Variants in NPL observed in about 807,000 individuals in gnomAD.
NPL encodes the protein N-acetylneuraminate pyruvate lyase, also known as N-acetylneuraminate lyase.
In NPL, 32 loss-of-function variants were observed where a neutral mutation model predicts 41.1. The observed-to-expected ratio is 0.78, with a 90% CI of 0.59 to 1.05. NPL has a LOEUF of 1.05. Ranked by LOEUF, NPL falls within the 50% of genes least tolerant of loss-of-function variation. The pLI is 0.00. For synonymous variants in NPL, 128 were observed against 134.9 expected (o/e 0.95, Z 0.35); for missense variants, 321 against 378.4 (o/e 0.85, Z 1.26).
intron 4 of NPL, 46 bp from the exon 5 acceptor site, chr1:182,806,099 G>T: frequency 6.2e-7 from 1 of 1,612,788 alleles, no homozygotes; most frequent in South Asian, 1.1e-5. Flanking sequence ...GGTTGGAGAA[G>T]CAGAGGTGCT....
intron 12 of NPL, among the ~76,000 whole-genome samples, chr1:182,827,458 A>G (rs956222544): frequency 1.8e-4 from 27 of 152,176 alleles, no homozygotes; most frequent in African/African-American, 5.8e-4. Context: ...CTGAAAGTCT[A>G]TTAGTTGTAT....
intron 3 of NPL, among the ~76,000 whole-genome samples, chr1:182,800,403 T>C (rs1184971972): frequency 1.5e-5 from 2 of 132,294 alleles, no homozygotes; most frequent in Non-Finnish European, 3.1e-5. Context: ...GCCACTGTAT[T>C]CCAGCCTGGG....
intron 3 of NPL, among the ~76,000 whole-genome samples, chr1:182,801,794 A>ACCACTG (rs1182610566): frequency 3.9e-5 from 6 of 152,078 alleles, no homozygotes; most frequent in Non-Finnish European, 1.5e-5. Flanking sequence ...CCACGATTAC[A>ACCACTG]CCACTGCACT....
intron 3 of NPL, among the ~76,000 whole-genome samples, chr1:182,797,733 T>C (rs1557940506): frequency 6.6e-6 from 1 of 152,226 alleles, no homozygotes; most frequent in Non-Finnish European, 1.5e-5. Flanking sequence ...TGTGATCCCA[T>C]AGCACCCTTT....
In NPL at chr1:182,793,750, A is replaced by G. The variant is rs372263849; in HGVS notation, c.-16-606A>G. Among the ~76,000 whole-genome samples the G allele has an allele frequency of 2.5e-4, 38 of 152,358 alleles. No individual in the cohort carries two copies. In the South Asian group the frequency reaches 7.0e-3, roughly 28 times the overall value. The stretch of plus-strand genomic sequence containing the variant: ...TAGGTGAGATTCTAAGAATGAAGAC[A>G]ATGGAAAGAGAAAATGTCCCCTTTT... On this transcript the variant is annotated intron_variant, in intron 2 of 12. Coordinates refer to ENST00000367553, the MANE Select transcript of NPL (RefSeq NM_030769.3).
chr1:182,793,540 G>A (rs1666574412), intron 2 of NPL, among the ~76,000 whole-genome samples: 1 of 152,206 alleles, frequency 6.6e-6, no homozygotes, highest in Non-Finnish European at 1.5e-5. Flanking sequence ...GAGAGCAAAG[G>A]CAAATGAAAC....
rs181206438 is a variant in NPL, at chr1:182,796,416, G to A, written c.68+1977G>A. Among the ~76,000 whole-genome samples, 1,253 of 152,188 alleles carry A rather than the reference G, an allele frequency of 8.2e-3. 7 individuals carry two copies. Among genetic ancestry groups the A allele is most frequent in the Admixed American group, 0.011 (173 of 15,284 alleles). On this transcript the variant is annotated intron_variant, in intron 3 of 12. Transcript: ENST00000367553. ...CATGTTTCTAAGACATGAGATGGAA[G>A]GAAGGGGCACATGGAATCTAATACC...
At chr1:182,816,634 A>G in intron 7 of NPL, 80 bp from the exon 8 acceptor site, 2 of 977,624 alleles carry the variant, frequency 2.0e-6, no homozygotes, top group East Asian at 2.4e-5. Flanking sequence ...GTTGTGTTTC[A>G]TCAGATGATT....
Position 182,828,644 on chromosome 1 carries a change from C to T in NPL, c.779-80C>T. ...ACCCTGTTGTAGTAGTTGCTGTTAG[C>T]ATATGATCTCCTTCTTTGGGATTTT... On this transcript the variant is annotated intron_variant, in intron 12 of 12. Coordinates refer to ENST00000367553, the MANE Select transcript of NPL (RefSeq NM_030769.3). This position sits in a 1 kb window ranked among gnomAD's most constrained non-coding sequence, Gnocchi z 4.0. 1 of 1,579,418 alleles carries T rather than the reference C, an allele frequency of 6.3e-7. No individual in the cohort carries two copies. The highest frequency in any genetic ancestry group is 8.7e-7 in the Non-Finnish European group (1 of 1,153,218).
Position 182,828,618 on chromosome 1 carries a change from T to C in NPL, c.779-106T>C. 7.1e-7 allele frequency: 1 copy of C among 1,409,822 alleles called. No individual in the cohort carries two copies. Among genetic ancestry groups the C allele is most frequent in the Non-Finnish European group, 9.9e-7 (1 of 1,010,762 alleles). The allele number at this position is 1,409,822 out of a possible 1,614,324, so 87.3% of individuals were successfully genotyped here. A position where few individuals can be genotyped will look rare whatever the true frequency, so the allele number is the denominator to read the frequency against. ...ATGTTCCCATCTTTTGTTTTAATCT[T>C]ACCCTGTTGTAGTAGTTGCTGTTAG... On this transcript the variant is annotated intron_variant, in intron 12 of 12. Transcript: ENST00000367553. This position sits in a 1 kb window ranked among gnomAD's most constrained non-coding sequence, Gnocchi z 4.0.
Position 182,794,699 on chromosome 1 carries a change from A to G in NPL, c.68+260A>G, listed in dbSNP as rs569931046. ...AGAAATGGCAGCTTGCCTTTCTCCCAGTGTCTGTAGCACCACAGAGCAAAT... is the reference window on the plus strand; with the variant it reads ...AGAAATGGCAGCTTGCCTTTCTCCCGGTGTCTGTAGCACCACAGAGCAAAT... On this transcript the variant is annotated intron_variant, in intron 3 of 12. Coordinates refer to ENST00000367553, the MANE Select transcript of NPL (RefSeq NM_030769.3). Among the ~76,000 whole-genome samples the G allele has an allele frequency of 1.1e-3, 168 of 152,352 alleles. No homozygotes were observed. Among genetic ancestry groups the G allele is most frequent in the Non-Finnish European group, 2.0e-3 (138 of 68,030 alleles).
rs979962871 is a variant in NPL, at chr1:182,794,457, C to A, written c.68+18C>A. On this transcript the variant is annotated intron_variant, in intron 3 of 12. Coordinates refer to ENST00000367553, the MANE Select transcript of NPL (RefSeq NM_030769.3). ...GAGAATGGGTAACTATCATTTGGGGCCTTGAGGGGATCAGTTCTCATTCAA... is the reference window on the plus strand; with the variant it reads ...GAGAATGGGTAACTATCATTTGGGGACTTGAGGGGATCAGTTCTCATTCAA... 6.2e-7 allele frequency: 1 copy of A among 1,612,002 alleles called. No individual in the cohort carries two copies. Among genetic ancestry groups the A allele is most frequent in the Non-Finnish European group, 8.5e-7 (1 of 1,178,096 alleles).
intron 6 of NPL, 130 bp from the exon 7 acceptor site, chr1:182,814,651 GTT>G (rs753043526): frequency 3.3e-4 from 256 of 770,480 alleles, no homozygotes; most frequent in Non-Finnish European, 5.2e-4. Context: ...ATTAAATTTG[GTT>G]AATTTTCCCA....
chr1:182,821,166 C>T (rs1667476514), intron 10 of NPL, among the ~76,000 whole-genome samples: 1 of 152,122 alleles, frequency 6.6e-6, no homozygotes, highest in Non-Finnish European at 1.5e-5. Flanking sequence ...GCTGTTGACC[C>T]CAGTTCTATA....
At position 182,830,330 on chromosome 1, in the gene NPL, T is replaced by G. The variant is rs1667733337; in HGVS notation, c.*1422T>G. ...CGTACTTACTGATACTAAAGCCAAATTTAAATTCTAAAATTAATTCTTGGG... is the reference window on the plus strand; with the variant it reads ...CGTACTTACTGATACTAAAGCCAAAGTTAAATTCTAAAATTAATTCTTGGG... On this transcript the variant is annotated 3_prime_UTR_variant, in exon 13 of 13. Transcript: ENST00000367553. 1 of 152,242 alleles carries G rather than the reference T, an allele frequency of 6.6e-6. No homozygotes were observed. The highest frequency in any genetic ancestry group is 2.4e-5 in the African/African-American group (1 of 41,464). 9.4% of individuals were successfully genotyped at this position (152,242 alleles called of 1,614,324 possible).
intron 5 of NPL, among the ~76,000 whole-genome samples, chr1:182,811,800 C>G (rs573672287): frequency 6.6e-6 from 1 of 152,108 alleles, no homozygotes; most frequent in East Asian, 1.9e-4. Flanking sequence ...TAAATGAAGT[C>G]ATTGCAGAAA....
In NPL at chr1:182,829,692, T is replaced by G; in HGVS notation, c.*784T>G. ...CTTCCTCCACTGAGAAGACTGTCTC[T>G]CCCGCAGGACCCTGAATTATTGAAA... On this transcript the variant is annotated 3_prime_UTR_variant, in exon 13 of 13. Coordinates refer to ENST00000367553, the MANE Select transcript of NPL (RefSeq NM_030769.3). 1 of 1,446,670 alleles carries G rather than the reference T, an allele frequency of 6.9e-7. No homozygotes were observed. Among genetic ancestry groups the G allele is most frequent in the Non-Finnish European group, 9.5e-7 (1 of 1,052,000 alleles). The allele number at this position is 1,446,670 out of a possible 1,614,324, so 89.6% of individuals were successfully genotyped here.
intron 5 of NPL, chr1:182,806,618 G>A (rs1475755489): frequency 1.3e-5 from 18 of 1,423,472 alleles, no homozygotes; most frequent in African/African-American, 4.3e-5. Flanking sequence ...TGGGATGAGC[G>A]CCTGATGCTT....
intron 3 of NPL, among the ~76,000 whole-genome samples, chr1:182,796,828 A>G (rs894090808): frequency 4.6e-5 from 7 of 152,104 alleles, no homozygotes; most frequent in Non-Finnish European, 7.4e-5. Flanking sequence ...CAAGGTCAAG[A>G]GATCGAGACC....
Sources: allele counts gnomAD v4.1 joint callset (sites outside exome capture counted in the v4.1 genomes callset), GRCh38; gene constraint gnomAD v4.1.1; non-coding constraint Gnocchi (gnomAD v3.1); transcripts MANE v1.5; gene names NCBI Gene and HGNC (gene_info 2026-07-23, HGNC 2026-07-21).